The following PEAK1 variants were observed in gnomAD, a reference collection of about 807,000 sequenced individuals.
PEAK1 encodes the protein inactive tyrosine-protein kinase PEAK1.
Under a neutral mutation model 124.7 loss-of-function variants are expected in PEAK1, and 54 were observed. The ratio of observed to expected loss-of-function variants is 0.43; its 90% CI spans 0.35 to 0.54. The LOEUF (loss-of-function observed/expected upper bound fraction) is 0.54. Ranked by LOEUF, PEAK1 falls within the 20% of genes least tolerant of loss-of-function variation. PEAK1 has a pLI of 0.01. For synonymous variants in PEAK1, 719 were observed against 760.0 expected (o/e 0.95, Z 0.89); for missense variants, 2,046 against 2,134.5 (o/e 0.96, Z 0.82).
chr15:77,107,228 C>T, downstream of PEAK1: 1 of 152,406 alleles, frequency 6.6e-6, no homozygotes, highest in Non-Finnish European at 1.5e-5. Context: ...CTCCAGCAAG[C>T]AGGCTACACA....
chr15:77,239,021 G>A (rs2060243970), intron 6 of PEAK1, among the ~76,000 whole-genome samples: 1 of 152,164 alleles, frequency 6.6e-6, no homozygotes, highest in Non-Finnish European at 1.5e-5. Flanking sequence ...TCCTATCACA[G>A]TTGTATTTAA....
At chr15:77,302,122 G>C (rs1597190997) in intron 2 of PEAK1, among the ~76,000 whole-genome samples, 1 of 151,714 alleles carries the variant, frequency 6.6e-6, no homozygotes, top group African/African-American at 2.4e-5. Flanking sequence ...CCTACCCCAG[G>C]GCTAGAATCA....
chr15:77,182,619 G>A (rs767234307), intron 6 of PEAK1, among the ~76,000 whole-genome samples: 9 of 151,900 alleles, frequency 5.9e-5, no homozygotes, highest in Non-Finnish European at 8.8e-5. Flanking sequence ...GGGTGTGGTA[G>A]CACACACCTA....
chr15:77,360,498 T>C (rs182337548), intron 2 of PEAK1, among the ~76,000 whole-genome samples: 2 of 152,320 alleles, frequency 1.3e-5, no homozygotes, highest in East Asian at 3.9e-4. Flanking sequence ...TATATACACA[T>C]ATAAGTTGAT....
chr15:77,419,496 G>C (rs1400900229), intron 1 of PEAK1: 22 of 985,116 alleles, frequency 2.2e-5, no homozygotes, highest in Non-Finnish European at 2.7e-5. Context: ...CAGGCAGGGA[G>C]CCACCCGGCT....
chr15:77,286,606 TCTTA>T (rs1257885605), intron 2 of PEAK1, 102 bp from the exon 3 acceptor site: 19 of 498,496 alleles, frequency 3.8e-5, no homozygotes, highest in African/African-American at 1.6e-4. Context: ...AGAATCAAAC[TCTTA>T]CTTATTCTAT....
At chr15:77,390,723 C>T (rs2070383504) in intron 1 of PEAK1, among the ~76,000 whole-genome samples, 1 of 152,140 alleles carries the variant, frequency 6.6e-6, no homozygotes, top group South Asian at 2.1e-4. Context: ...AAATTAGACA[C>T]TATTTTCATT....
chr15:77,115,930 T>C (rs1301311707), intron 9 of PEAK1, among the ~76,000 whole-genome samples: 1 of 152,144 alleles, frequency 6.6e-6, no homozygotes, highest in Non-Finnish European at 1.5e-5. Flanking sequence ...ACTGGTAGGG[T>C]TGAGAGAGTC....
At chr15:77,269,571 G>A (rs1354149678) in intron 5 of PEAK1, among the ~76,000 whole-genome samples, 1 of 151,982 alleles carries the variant, frequency 6.6e-6, no homozygotes, top group Non-Finnish European at 1.5e-5. Flanking sequence ...ATAATAGTGG[G>A]GGACTTCAAT....
chr15:77,261,038 C>A (rs2061412727), intron 5 of PEAK1, among the ~76,000 whole-genome samples: 1 of 152,190 alleles, frequency 6.6e-6, no homozygotes, highest in South Asian at 2.1e-4. Flanking sequence ...CCAGCAAACT[C>A]CAACAGACCT....
chr15:77,411,122 T>A (rs1345604402), intron 1 of PEAK1, among the ~76,000 whole-genome samples: 3 of 151,876 alleles, frequency 2.0e-5, no homozygotes, highest in African/African-American at 7.3e-5. Flanking sequence ...AATGTGAATG[T>A]CTAAGACCAC....
chr15:77,331,067 AT>A, intron 2 of PEAK1: 1 of 792,300 alleles, frequency 1.3e-6, no homozygotes, highest in Non-Finnish European at 1.5e-6. Context: ...ATAGCATTCC[AT>A]TATAGACATA....
intron 2 of PEAK1, chr15:77,355,946 C>T: frequency 1.0e-6 from 1 of 985,026 alleles, no homozygotes; most frequent in Non-Finnish European, 1.2e-6. Context: ...TGGCTTAGGC[C>T]TGAGACAAGA....
At chr15:77,194,405 T>A (rs1403268577) in intron 6 of PEAK1, among the ~76,000 whole-genome samples, 1 of 152,182 alleles carries the variant, frequency 6.6e-6, no homozygotes. Context: ...AGAATAAAAT[T>A]TAATGCTCTT....
At chr15:77,224,538 G>A (rs1431518942) in intron 6 of PEAK1, among the ~76,000 whole-genome samples, 2 of 151,972 alleles carry the variant, frequency 1.3e-5, no homozygotes, top group African/African-American at 4.8e-5. Flanking sequence ...TAAAAATGCT[G>A]TTTTAGAAAG....
At chr15:77,134,527 C>G (rs946661154) in intron 8 of PEAK1, among the ~76,000 whole-genome samples, 1 of 152,166 alleles carries the variant, frequency 6.6e-6, no homozygotes, top group African/African-American at 2.4e-5. Context: ...CTTTCAACAT[C>G]TTTTATAAGC....
At chr15:77,125,335 G>C (rs1019968087) in intron 9 of PEAK1, among the ~76,000 whole-genome samples, 6 of 152,136 alleles carry the variant, frequency 3.9e-5, no homozygotes, top group Admixed American at 2.0e-4. Flanking sequence ...GGTATAGCGT[G>C]CAACATGTGC....
intron 6 of PEAK1, among the ~76,000 whole-genome samples, chr15:77,198,329 T>C (rs2152841976): frequency 6.6e-6 from 1 of 152,332 alleles, no homozygotes; most frequent in Non-Finnish European, 1.5e-5. Context: ...ATCATGTTTA[T>C]TTTTAGTGCA....
chr15:77,352,202 C>A (rs555056993), intron 2 of PEAK1: 2 of 984,952 alleles, frequency 2.0e-6, no homozygotes, highest in South Asian at 9.4e-5. Context: ...CAGAGCAAAC[C>A]CTGTCTCAAA....
Sources: gnomAD v4.1 joint callset for allele counts (sites outside exome capture counted in the v4.1 genomes callset) on GRCh38, gnomAD v4.1.1 for gene constraint, MANE v1.5 for transcripts, NCBI Gene and HGNC (gene_info 2026-07-23, HGNC 2026-07-21) for gene names.